PKD2: variants seen among roughly 807,000 people sequenced by gnomAD.
The protein encoded by PKD2 is polycystin 2, transient receptor potential cation channel.
PKD2 carries 48 observed loss-of-function variants against 105.9 expected under a neutral mutation model. The ratio of observed to expected loss-of-function variants is 0.45; its 90% confidence interval spans 0.36 to 0.58. PKD2 has a LOEUF of 0.58. Ranked by LOEUF, PKD2 falls within the 20% of genes least tolerant of loss-of-function variation. The pLI is 0.00. For synonymous variants in PKD2, 464 were observed against 481.1 expected (o/e 0.96, Z 0.46); for missense variants, 1,078 against 1,255.3 (o/e 0.86, Z 2.13).
intron 12 of PKD2, 144 bp downstream of exon 12, chr4:88,066,023 G>T: frequency 1.4e-6 from 1 of 694,420 alleles, no homozygotes. Context: ...TTATGTGTTA[G>T]TACCCTGTTT....
At chr4:88,052,327 G>C (rs951441869) in intron 7 of PKD2, among the ~76,000 whole-genome samples, 169 bp downstream of exon 7, 2 of 152,138 alleles carry the variant, frequency 1.3e-5, no homozygotes, top group African/African-American at 2.4e-5. Context: ...GGAGTGCAGT[G>C]GTATGATTAC....
intron 6 of PKD2, among the ~76,000 whole-genome samples, chr4:88,047,447 G>A (rs1337045845): frequency 1.3e-5 from 2 of 152,068 alleles, no homozygotes; most frequent in Admixed American, 6.6e-5. Flanking sequence ...TGTAGTCTCA[G>A]CTATTCCAGA....
chr4:88,018,722 T>C (rs547306389), intron 1 of PKD2, among the ~76,000 whole-genome samples: 2 of 152,328 alleles, frequency 1.3e-5, no homozygotes, highest in South Asian at 2.1e-4. Context: ...AGCCCAACGC[T>C]TTTTCCATCT....
chr4:88,041,852 C>A (rs1329062849), intron 4 of PKD2, among the ~76,000 whole-genome samples: 3 of 152,198 alleles, frequency 2.0e-5, no homozygotes, highest in Admixed American at 6.5e-5. Context: ...TGCAAACAGG[C>A]CTTCCTAAAG....
At chr4:88,071,618 T>C (rs1466411644) in intron 13 of PKD2, among the ~76,000 whole-genome samples, 4 of 152,120 alleles carry the variant, frequency 2.6e-5, no homozygotes, top group Non-Finnish European at 5.9e-5. Context: ...TTGTAGGAAC[T>C]CTGGCTAGTG....
At chr4:88,052,985 T>C (rs927738778) in intron 7 of PKD2, among the ~76,000 whole-genome samples, 3 of 152,174 alleles carry the variant, frequency 2.0e-5, no homozygotes, top group Admixed American at 6.5e-5. Context: ...TTTCCATGTG[T>C]GTGAAAGGTT....
At chr4:88,065,621 A>G (rs1462301992) in intron 11 of PKD2, 126 bp downstream of exon 11, 1 of 1,180,082 alleles carries the variant, frequency 8.5e-7, no homozygotes, top group Non-Finnish European at 1.3e-6. Flanking sequence ...AGAGGCAGGT[A>G]TCTTTCTGGA....
chr4:88,061,041 A>G (rs574604570), intron 9 of PKD2, among the ~76,000 whole-genome samples: 2 of 152,232 alleles, frequency 1.3e-5, no homozygotes, highest in Non-Finnish European at 1.5e-5. Flanking sequence ...CTCTTCCAGA[A>G]ACTTTTTCTT....
chr4:88,020,181 T>C (rs1319683635), intron 2 of PKD2, among the ~76,000 whole-genome samples: 1 of 152,232 alleles, frequency 6.6e-6, no homozygotes, highest in Non-Finnish European at 1.5e-5. Flanking sequence ...ATACTATTAT[T>C]ATATCAGTTA....
At chr4:88,036,898 G>C (rs960904934) in intron 3 of PKD2, among the ~76,000 whole-genome samples, 4 of 152,178 alleles carry the variant, frequency 2.6e-5, no homozygotes, top group African/African-American at 9.7e-5. Flanking sequence ...CCAGCTCTTA[G>C]AACAGTGCTT....
At chr4:88,050,851 C>G (rs1291868369) in intron 6 of PKD2, among the ~76,000 whole-genome samples, 2 of 152,102 alleles carry the variant, frequency 1.3e-5, no homozygotes, top group African/African-American at 4.8e-5. Context: ...GTGAGGTTGG[C>G]TTTTTAGCTG....
At chr4:88,054,650 C>CTT (rs1184325520) in intron 7 of PKD2, among the ~76,000 whole-genome samples, 1,978 of 81,312 alleles carry the variant, frequency 0.024, 66 homozygotes, top group African/African-American at 0.1. Context: ...CATGACTCTA[C>CTT]TTTTTTTTTT....
In PKD2 at chr4:88,008,241, G is replaced by T; in HGVS notation, c.508G>T (p.Gly170Cys). The T allele has an allele frequency of 6.9e-7, 1 of 1,452,276 alleles. No individual in the cohort carries two copies. The highest frequency in any genetic ancestry group is 9.0e-7 in the Non-Finnish European group (1 of 1,106,532). 90.0% of individuals were successfully genotyped at this position (1,452,276 alleles called of 1,614,324 possible). A position where few individuals can be genotyped will look rare whatever the true frequency, so the allele number is the denominator to read the frequency against. The change falls in exon 1 of 15, where the codon GGC (glycine) becomes TGC (cysteine). Residue 170 changes from glycine (G) to cysteine (C), a missense_variant. Gly to Cys is a radical substitution (Grantham distance 159). Coordinates refer to ENST00000237596, the MANE Select transcript of PKD2 (RefSeq NM_000297.4). ...QGPPCPSPVGGGDPLHRHLPL... is the reference protein window; with the variant it reads ...QGPPCPSPVGCGDPLHRHLPL... Reference sequence around the variant, plus strand: ...CCCGCCGTGCCCCAGCCCAGTCGGCGGCGGGGACCCGCTGCATCGCCACCT... The same window carrying T: ...CCCGCCGTGCCCCAGCCCAGTCGGCTGCGGGGACCCGCTGCATCGCCACCT...
chr4:88,009,735 A>G (rs1423490194), intron 1 of PKD2, among the ~76,000 whole-genome samples: 1 of 152,326 alleles, frequency 6.6e-6, no homozygotes, highest in East Asian at 1.9e-4. Flanking sequence ...ATAAAACACT[A>G]ACACTTTTTA....
intron 7 of PKD2, among the ~76,000 whole-genome samples, chr4:88,053,302 T>A (rs894557083): frequency 1.3e-5 from 2 of 152,116 alleles, no homozygotes; most frequent in African/African-American, 4.8e-5. Context: ...TTCTGGAAGG[T>A]ACTTACCCGT....
At chr4:88,058,762 A>T (rs1039614274) in intron 9 of PKD2, among the ~76,000 whole-genome samples, 21 of 152,152 alleles carry the variant, frequency 1.4e-4, no homozygotes, top group Non-Finnish European at 2.6e-4. Context: ...TTCAAAAATA[A>T]TTTTTTTATT....
chr4:88,012,074 C>T (rs10007768), intron 1 of PKD2, among the ~76,000 whole-genome samples: 1 of 152,188 alleles, frequency 6.6e-6, no homozygotes. Flanking sequence ...AGCATTCTCC[C>T]ACCCAAATTG....
chr4:88,035,536 A>T lies in PKD2; in HGVS notation c.710-684A>T, dbSNP rs922137500. On this transcript the variant is annotated intron_variant, in intron 2 of 14. Transcript: ENST00000237596. ...GGAGGGAGTGGCACAGTGTGAACCC[A>T]GTGTGGTTGTGAGAAAAGGGATTCC... 4.6e-5 allele frequency among the ~76,000 whole-genome samples: 7 copies of T among 152,128 alleles called. No homozygotes were observed. In the East Asian group the frequency reaches 1.3e-3, roughly 29 times the overall value.
intron 2 of PKD2, among the ~76,000 whole-genome samples, chr4:88,035,124 C>T (rs900736110): frequency 6.6e-6 from 1 of 152,160 alleles, no homozygotes; most frequent in African/African-American, 2.4e-5. Context: ...GAAGAGGAAA[C>T]TGAAGCTCAG....
Sources: allele counts gnomAD v4.1 joint callset (sites outside exome capture counted in the v4.1 genomes callset), GRCh38; gene constraint gnomAD v4.1.1; transcripts MANE v1.5; gene names NCBI Gene and HGNC (gene_info 2026-07-23, HGNC 2026-07-21).